The following GLRA2 variants were observed in gnomAD, a reference collection of about 807,000 sequenced individuals.
GLRA2 encodes the protein glycine receptor alpha 2, also known as glycine receptor subunit alpha-2.
A neutral mutation model predicts 31.6 loss-of-function variants in GLRA2; 11 were observed. The observed-to-expected ratio is 0.35, with a 90% CI of 0.22 to 0.58. The LOEUF (loss-of-function observed/expected upper bound fraction) is 0.58. Among genes scored for constraint, GLRA2 ranks in the 20% least tolerant of loss-of-function variants. The pLI, the probability that GLRA2 is intolerant of heterozygous loss-of-function variation, is 0.84. For synonymous variants in GLRA2, 132 were observed against 134.0 expected, an observed-to-expected ratio of 0.99 and a Z score of 0.10; for missense variants, 212 against 351.8, an observed-to-expected ratio of 0.60 and a Z score of 3.18.
chrX:14,486,806 C>T, the GLRA2 span, among the ~76,000 whole-genome samples: 1 of 111,935 alleles, frequency 8.9e-6, no homozygotes, highest in Non-Finnish European at 1.9e-5. Flanking sequence ...AAAATGTGTA[C>T]TTCATCAAAG....
At chrX:14,646,871 G>A (rs2090837563) in intron 7 of GLRA2, among the ~76,000 whole-genome samples, 2 of 111,987 alleles carry the variant, frequency 1.8e-5, no homozygotes, top group Admixed American at 1.9e-4. Context: ...AATAAGAAGT[G>A]ACAGTTTACT....
chrX:14,470,922 T>A, the GLRA2 span, among the ~76,000 whole-genome samples: 127 of 111,519 alleles, frequency 1.1e-3, no homozygotes, highest in Non-Finnish European at 1.8e-3. Flanking sequence ...GAGAAGATTG[T>A]GCAATTCCAG....
intron 7 of GLRA2, among the ~76,000 whole-genome samples, chrX:14,681,910 A>AAAAATATATATAT (rs758563376): frequency 1.9e-4 from 8 of 41,292 alleles, no homozygotes; most frequent in African/African-American, 9.7e-4. Context: ...AAAAAAAAAA[A>AAAAATATATATAT]ATATATATAT....
intron 8 of GLRA2, among the ~76,000 whole-genome samples, chrX:14,700,245 T>C (rs1253165925): frequency 1.8e-5 from 2 of 110,128 alleles, no homozygotes; most frequent in Non-Finnish European, 3.8e-5. Context: ...TGGAAGTGGA[T>C]AAGATTACCC....
At chrX:14,502,152 T>C in the GLRA2 span, among the ~76,000 whole-genome samples, 5 of 112,049 alleles carry the variant, frequency 4.5e-5, no homozygotes, top group Non-Finnish European at 7.5e-5. Flanking sequence ...CAACAGAAGT[T>C]TGGCTGCCTG....
intron 7 of GLRA2, among the ~76,000 whole-genome samples, chrX:14,640,461 T>C (rs868056781): frequency 2.7e-5 from 3 of 111,868 alleles, no homozygotes; most frequent in Non-Finnish European, 1.9e-5. Context: ...GTAAAACATA[T>C]ACATTAAAAT....
At chrX:14,587,916 T>C (rs1236412210) in intron 4 of GLRA2, among the ~76,000 whole-genome samples, 1 of 110,085 alleles carries the variant, frequency 9.1e-6, no homozygotes, top group Non-Finnish European at 1.9e-5. Context: ...TTTTTTTTTT[T>C]TTTTCTTTTG....
At chrX:14,557,255 A>G (rs1432302348) in intron 2 of GLRA2, among the ~76,000 whole-genome samples, 2 of 106,631 alleles carry the variant, frequency 1.9e-5, no homozygotes, top group Non-Finnish European at 1.9e-5. Flanking sequence ...AGCTGGGACT[A>G]CAGGCGCCCA....
intron 8 of GLRA2, among the ~76,000 whole-genome samples, chrX:14,703,505 C>T (rs1441063349): frequency 8.9e-6 from 1 of 111,904 alleles, no homozygotes; most frequent in Admixed American, 9.4e-5. Flanking sequence ...TCTCCCCATC[C>T]TTAGTTTCTT....
intron 4 of GLRA2, among the ~76,000 whole-genome samples, chrX:14,603,110 C>T (rs1466655643): frequency 5.7e-5 from 6 of 104,865 alleles, no homozygotes; most frequent in Admixed American, 3.1e-4. Flanking sequence ...TTTTTGATTA[C>T]GGTCATTATT....
the GLRA2 span, among the ~76,000 whole-genome samples, chrX:14,497,908 C>T: frequency 9.2e-6 from 1 of 109,196 alleles, no homozygotes; most frequent in Non-Finnish European, 1.9e-5. Context: ...TGGAATAGAA[C>T]AGACAGCAAG....
intron 7 of GLRA2, among the ~76,000 whole-genome samples, chrX:14,634,932 A>G (rs893403492): frequency 8.9e-6 from 1 of 112,272 alleles, no homozygotes; most frequent in African/African-American, 3.2e-5. Context: ...TCGAGGAGAG[A>G]ATCCAGATGG....
At chrX:14,691,331 G>A (rs1404457601) in intron 8 of GLRA2, among the ~76,000 whole-genome samples, 2 of 62,983 alleles carry the variant, frequency 3.2e-5, no homozygotes, top group Admixed American at 1.4e-4. Context: ...GTGTGCGCGC[G>A]TGCGTGCGTG....
chrX:14,505,377 A>G, the GLRA2 span, among the ~76,000 whole-genome samples: 339 of 111,834 alleles, frequency 3.0e-3, no homozygotes, highest in Non-Finnish European at 5.4e-3. Flanking sequence ...TAGCACTGAA[A>G]GTCCTGTACC....
chrX:14,607,996 A>G (rs1218511001), intron 6 of GLRA2, among the ~76,000 whole-genome samples: 1 of 111,608 alleles, frequency 9.0e-6, no homozygotes, highest in East Asian at 2.8e-4. Flanking sequence ...CTGATCATGG[A>G]GAGACAATCA....
At chrX:14,519,117 G>A in the GLRA2 span, among the ~76,000 whole-genome samples, 4 of 108,647 alleles carry the variant, frequency 3.7e-5, no homozygotes, top group Non-Finnish European at 7.6e-5. Context: ...GTGGCTACAA[G>A]GCAATTTATT....
intron 8 of GLRA2, among the ~76,000 whole-genome samples, chrX:14,722,659 T>C (rs1037403758): frequency 8.9e-6 from 1 of 111,755 alleles, no homozygotes; most frequent in Admixed American, 9.5e-5. Flanking sequence ...GTGACTTCTA[T>C]ATGACATATG....
upstream of GLRA2, among the ~76,000 whole-genome samples, chrX:14,528,672 A>G (rs1256665256): frequency 4.4e-5 from 5 of 112,370 alleles, no homozygotes; most frequent in Non-Finnish European, 9.4e-5. Context: ...GGAGAATAGC[A>G]TATGCACTTT....
At chrX:14,707,739 T>C (rs1485366771) in intron 8 of GLRA2, among the ~76,000 whole-genome samples, 1 of 95,203 alleles carries the variant, frequency 1.1e-5, no homozygotes, top group Non-Finnish European at 2.1e-5. Context: ...TATGTTTTCC[T>C]ACTTTGACAG....
Sources: gnomAD v4.1 joint callset for allele counts (sites outside exome capture counted in the v4.1 genomes callset) on GRCh38, gnomAD v4.1.1 for gene constraint, MANE v1.5 for transcripts, NCBI Gene and HGNC (gene_info 2026-07-23, HGNC 2026-07-21) for gene names.